The following CSNK1A1 variants were observed in gnomAD, a reference collection of about 807,000 sequenced individuals.
CSNK1A1 encodes casein kinase I isoform alpha.
In CSNK1A1, 7 loss-of-function variants were observed where a neutral mutation model predicts 46.1. The observed-to-expected ratio is 0.15, with a 90% CI of 0.09 to 0.29. The LOEUF is 0.29. Ranked by LOEUF, CSNK1A1 falls within the 10% of genes least tolerant of loss-of-function variation. The probability of loss-of-function intolerance (pLI) is 1.00; values close to 1 mark genes in which losing one functional copy is unlikely to be tolerated. For synonymous variants in CSNK1A1, 137 were observed against 141.5 expected (o/e 0.97, Z 0.23); for missense variants, 96 against 417.1 (o/e 0.23, Z 6.71).
intron 2 of CSNK1A1, among the ~76,000 whole-genome samples, chr5:149,536,090 AT>A (rs1371271586): frequency 6.6e-6 from 1 of 152,178 alleles, no homozygotes; most frequent in African/African-American, 2.4e-5. Flanking sequence ...AGTAGCTGGT[AT>A]CACAGGCACG....
chr5:149,544,460 C>T (rs990948243), intron 2 of CSNK1A1, among the ~76,000 whole-genome samples: 9 of 151,318 alleles, frequency 5.9e-5, no homozygotes, highest in Admixed American at 4.0e-4. Context: ...CTCAGGAATG[C>T]AAGACCAGTC....
Position 149,525,037 on chromosome 5 carries a change from T to C in CSNK1A1, c.357+8A>G. The C allele has an allele frequency of 6.2e-7, 1 of 1,603,702 alleles. No individual in the cohort carries two copies. The highest frequency in any genetic ancestry group is 1.1e-5 in the South Asian group (1 of 89,170). On this transcript the variant is annotated splice_region_variant and intron_variant, in intron 3 of 9. Transcript: ENST00000377843. This position sits in a 1 kb window ranked among gnomAD's most constrained non-coding sequence, Gnocchi z 4.2. ...CTCAGTTTATATTCTAATCAAAATT[T>C]CACATACCTGGTCAGCTAACATAAG...
In CSNK1A1 at chr5:149,496,019, A is replaced by G. The variant is rs541276344; in HGVS notation, c.*834T>C. 6.5e-6 allele frequency: 1 copy of G among 152,722 alleles called. No individual in the cohort carries two copies. Among genetic ancestry groups the G allele is most frequent in the South Asian group, 2.1e-4 (1 of 4,828 alleles). 9.5% of individuals were successfully genotyped at this position (152,722 alleles called of 1,614,324 possible). On this transcript the variant is annotated 3_prime_UTR_variant, in exon 10 of 10. Coordinates refer to ENST00000377843, the MANE Select transcript of CSNK1A1 (RefSeq NM_001892.6). ...AGTTTTTAGTTTTTAATGAACTTGTAAACAAAAAAGCTCCCATTTCAAAAT... is the reference window on the plus strand; with the variant it reads ...AGTTTTTAGTTTTTAATGAACTTGTGAACAAAAAAGCTCCCATTTCAAAAT...
chr5:149,504,119 ACT>A, intron 9 of CSNK1A1: 1 of 985,436 alleles, frequency 1.0e-6, no homozygotes, highest in Non-Finnish European at 1.2e-6. Flanking sequence ...AACTATCCCA[ACT>A]GAGATGCAGA....
intron 9 of CSNK1A1, chr5:149,501,185 T>G: frequency 1.0e-6 from 1 of 985,420 alleles, no homozygotes; most frequent in Non-Finnish European, 1.2e-6. Context: ...GGACTCCAGA[T>G]GACCACAAAC....
chr5:149,543,487 G>T (rs12516803), intron 2 of CSNK1A1, among the ~76,000 whole-genome samples: 37,662 of 146,664 alleles, frequency 0.26, 5,149 homozygotes, highest in Admixed American at 0.41. Flanking sequence ...CGTTTTTCTG[G>T]TTTTTTTTTT....
intron 2 of CSNK1A1, among the ~76,000 whole-genome samples, chr5:149,534,924 AGC>A (rs1762020235): frequency 4.0e-5 from 6 of 150,728 alleles, no homozygotes; most frequent in Admixed American, 6.6e-5. Flanking sequence ...AAAAAAAAAA[AGC>A]CCCTTACCTA....
At chr5:149,546,737 T>C (rs561181275) in intron 2 of CSNK1A1, among the ~76,000 whole-genome samples, 1 of 152,286 alleles carries the variant, frequency 6.6e-6, no homozygotes, top group South Asian at 2.1e-4. Context: ...ATCTAAATTT[T>C]TTAAATTAGT....
chr5:149,535,409 T>A (rs1003440172), intron 2 of CSNK1A1, among the ~76,000 whole-genome samples: 1 of 152,148 alleles, frequency 6.6e-6, no homozygotes, highest in African/African-American at 2.4e-5. Context: ...AATTTCAACA[T>A]GTCCAAAGCC....
rs1761690728 is a variant in CSNK1A1 at position 149,525,253 on chromosome 5, T to C, written c.231-82A>G. 1 of 1,318,206 alleles carries C rather than the reference T, an allele frequency of 7.6e-7. No individual in the cohort carries two copies. Among genetic ancestry groups the C allele is most frequent in the Admixed American group, 3.0e-5 (1 of 33,546 alleles). 81.7% of individuals were successfully genotyped at this position (1,318,206 alleles called of 1,614,324 possible). A position where few individuals can be genotyped will look rare whatever the true frequency, so the allele number is the denominator to read the frequency against. Reference sequence around the variant, plus strand: ...CAACCCTAAGAATAATATAGTTTTCTTTCACTGACTAGGTATTATATAAGG... The same window carrying C: ...CAACCCTAAGAATAATATAGTTTTCCTTCACTGACTAGGTATTATATAAGG... On this transcript the variant is annotated intron_variant, in intron 2 of 9. Coordinates refer to ENST00000377843, the MANE Select transcript of CSNK1A1 (RefSeq NM_001892.6). This position sits in a 1 kb window ranked among gnomAD's most constrained non-coding sequence, Gnocchi z 4.2.
At chr5:149,514,626 A>G (rs779455772) in intron 4 of CSNK1A1, among the ~76,000 whole-genome samples, 41 of 152,154 alleles carry the variant, frequency 2.7e-4, no homozygotes, top group Non-Finnish European at 4.6e-4. Flanking sequence ...AAACTTGATC[A>G]CCTAACCTGC....
chr5:149,515,806 T>C lies in CSNK1A1; in HGVS notation c.457-2597A>G, dbSNP rs565781916. Among the ~76,000 whole-genome samples the C allele has an allele frequency of 7.9e-5, 12 of 152,266 alleles. No individual in the cohort carries two copies. In the South Asian group the frequency reaches 2.5e-3, roughly 32 times the overall value. On this transcript the variant is annotated intron_variant, in intron 4 of 9. Coordinates refer to ENST00000377843, the MANE Select transcript of CSNK1A1 (RefSeq NM_001892.6). ...AGATACAACCAAAAAGCTGTAAATA[T>C]GTAAAGGCAGAACCAAATGAGGAAA...
chr5:149,504,782 C>T lies in CSNK1A1; in HGVS notation c.1006+665G>A, dbSNP rs548689778. On this transcript the variant is annotated intron_variant, in intron 9 of 9. Transcript: ENST00000377843. ...AAAATCAAGCCAAAAACAAAGAAAT[C>T]GTTTTGAAATTAAGATCATACGTAA... 8.1e-6 allele frequency: 8 copies of T among 985,240 alleles called. No homozygotes were observed. The East Asian group carries it at 5.7e-4, about 70-fold the overall frequency. 61.0% of individuals were successfully genotyped at this position (985,240 alleles called of 1,614,324 possible).
Position 149,518,476 on chromosome 5 carries a change from G to A in CSNK1A1, c.456+1814C>T, listed in dbSNP as rs989087355. Among the ~76,000 whole-genome samples the A allele has an allele frequency of 3.1e-4, 47 of 152,048 alleles. 3 individuals are homozygous for A. Among genetic ancestry groups the A allele is most frequent in the Non-Finnish European group, 5.9e-5 (4 of 68,010 alleles). On this transcript the variant is annotated intron_variant, in intron 4 of 9. Transcript: ENST00000377843. ...GAATAGAAAACTACTGGAACAAGCT[G>A]ACCAAAGAATCCAGTCTCATACAAC...
intron 4 of CSNK1A1, among the ~76,000 whole-genome samples, chr5:149,516,503 T>C (rs1761408690): frequency 6.6e-6 from 1 of 151,966 alleles, no homozygotes; most frequent in South Asian, 2.1e-4. Flanking sequence ...GGGGTCATAA[T>C]TTCCCTTGCC....
intron 7 of CSNK1A1, among the ~76,000 whole-genome samples, chr5:149,507,450 C>T (rs1041170142): frequency 1.3e-5 from 2 of 151,738 alleles, no homozygotes; most frequent in Admixed American, 6.6e-5. Context: ...ATCAAAGTCG[C>T]GCCTCTTCGT....
intron 2 of CSNK1A1, among the ~76,000 whole-genome samples, chr5:149,538,815 A>C (rs1222536740): frequency 6.6e-6 from 1 of 152,096 alleles, no homozygotes; most frequent in African/African-American, 2.4e-5. Context: ...CCAGCTACTC[A>C]GGAGGCTGAG....
intron 2 of CSNK1A1, among the ~76,000 whole-genome samples, chr5:149,548,849 C>T (rs933428962): frequency 4.6e-5 from 7 of 152,168 alleles, no homozygotes; most frequent in Non-Finnish European, 1.0e-4. Flanking sequence ...GCGAAAACTC[C>T]GTCTTAAAGA....
intron 6 of CSNK1A1, 90 bp downstream of exon 6, chr5:149,511,704 T>G (rs769613974): frequency 6.6e-6 from 6 of 906,514 alleles, no homozygotes; most frequent in South Asian, 3.1e-5. Context: ...AATCTCAGAC[T>G]TAGAAGGGAC....
Sources: gnomAD v4.1 joint callset for allele counts (sites outside exome capture counted in the v4.1 genomes callset) on GRCh38, gnomAD v4.1.1 for gene constraint, Gnocchi (gnomAD v3.1) non-coding constraint, MANE v1.5 for transcripts, NCBI Gene and HGNC (gene_info 2026-07-23, HGNC 2026-07-21) for gene names.